Variants in KAZN observed in about 807,000 individuals in gnomAD.
KAZN encodes kazrin, periplakin interacting protein, also known as kazrin.
KAZN carries 40 observed loss-of-function variants against 87.4 expected under a neutral mutation model. The observed-to-expected ratio is 0.46, with a 90% CI of 0.36 to 0.60. KAZN has a LOEUF of 0.60. Among genes scored for constraint, KAZN ranks in the 20% least tolerant of loss-of-function variants. The probability of loss-of-function intolerance (pLI) is 0.00; values close to 1 mark genes in which losing one functional copy is unlikely to be tolerated. For missense variants in KAZN, 898 were observed against 1,073.9 expected (o/e 0.84, Z 2.29); for synonymous variants, 466 against 458.3 (o/e 1.02, Z -0.22).
chr1:14,622,613 C>T (rs1019157330), intron 1 of KAZN, among the ~76,000 whole-genome samples: 2 of 148,848 alleles, frequency 1.3e-5, no homozygotes, highest in Non-Finnish European at 3.0e-5. Context: ...ATGGCATGAA[C>T]CTGGGGGGCG....
At position 14,723,308 on chromosome 1, in the gene KAZN, A is replaced by T. The variant is rs186610074; in HGVS notation, c.226+124085A>T. Among the ~76,000 whole-genome samples, 385 of 152,180 alleles carry T rather than the reference A, an allele frequency of 2.5e-3. 2 individuals carry two copies. The highest frequency in any genetic ancestry group is 8.2e-3 in the African/African-American group (341 of 41,520). ...CCCCAGAAAGGTCTTCTTACAGCCT[A>T]ATCTGAGCCCTACCTTAACTGAAGC... On this transcript the variant is annotated intron_variant, in intron 1 of 14. Coordinates refer to ENST00000376030, the MANE Select transcript of KAZN (RefSeq NM_201628.3).
Position 14,318,432 on chromosome 1 carries a change from G to T in KAZN, c.249+137840G>T, listed in dbSNP as rs190184483. On this transcript the variant is annotated intron_variant, in intron 2 of 16. Coordinates refer to the KAZN transcript ENST00000636203. ...GGAGATTCTTGTCATTTTTATCTTTGTTCCTTTGAGTTTAATGTGTGAGTT... is the reference window on the plus strand; with the variant it reads ...GGAGATTCTTGTCATTTTTATCTTTTTTCCTTTGAGTTTAATGTGTGAGTT... Among the ~76,000 whole-genome samples, 62 of 151,798 alleles carry T rather than the reference G, an allele frequency of 4.1e-4. 1 individual carries two copies. Among genetic ancestry groups the T allele is most frequent in the Non-Finnish European group, 1.3e-4 (9 of 67,854 alleles).
intron 2 of KAZN, among the ~76,000 whole-genome samples, chr1:14,977,081 CA>C (rs1665712787): frequency 6.6e-6 from 1 of 152,058 alleles, no homozygotes; most frequent in African/African-American, 2.4e-5. Flanking sequence ...AACAAACAAA[CA>C]AAAAACTGGG....
rs191613861 is a variant in KAZN at position 14,797,146 on chromosome 1, C to T, written c.227-163538C>T. 2.5e-3 allele frequency among the ~76,000 whole-genome samples: 379 copies of T among 151,834 alleles called. 1 individual carries two copies. Among genetic ancestry groups the T allele is most frequent in the African/African-American group, 8.6e-3 (353 of 41,248 alleles). ...CATGATCTCGGCTCACTGCAGCCTC[C>T]GCCTCCTGGGTTCAAGTGATTCTCC... is the stretch of plus-strand genomic sequence containing the variant. On this transcript the variant is annotated intron_variant, in intron 1 of 14. Coordinates refer to ENST00000376030, the MANE Select transcript of KAZN (RefSeq NM_201628.3).
chr1:14,477,040 C>G (rs1177408527), intron 2 of KAZN, among the ~76,000 whole-genome samples: 1 of 152,220 alleles, frequency 6.6e-6, no homozygotes, highest in Non-Finnish European at 1.5e-5. Context: ...AAATATCTCA[C>G]CCATTGATAT....
At chr1:14,195,707 G>C (rs1646513136) in intron 2 of KAZN, among the ~76,000 whole-genome samples, 1 of 152,082 alleles carries the variant, frequency 6.6e-6, no homozygotes, top group Admixed American at 6.6e-5. Flanking sequence ...AGAAAATGTT[G>C]CATCTGAAAA....
At chr1:13,897,078 A>G (rs10927949) in intron 1 of KAZN, among the ~76,000 whole-genome samples, 82,359 of 151,424 alleles carry the variant, frequency 0.54, 22,871 homozygotes, top group South Asian at 0.68. Flanking sequence ...AAAGGTTGGC[A>G]AGCTACATCC....
rs555239150 is a variant in KAZN at position 14,421,104 on chromosome 1, T to TC, written c.250-177879_250-177878insC. On this transcript the variant is annotated intron_variant, in intron 2 of 16. Coordinates refer to the KAZN transcript ENST00000636203. ...TCTCTCAGGAATTGGTCTTAAACACTATGCCTTAGGTTATAGCTAGAGCTA... is the reference window on the plus strand; with the variant it reads ...TCTCTCAGGAATTGGTCTTAAACACTCATGCCTTAGGTTATAGCTAGAGCTA... Among the ~76,000 whole-genome samples the TC allele has an allele frequency of 3.9e-5, 6 of 152,350 alleles. No individual in the cohort carries two copies. The South Asian group carries it at 1.2e-3, about 32-fold the overall frequency.
chr1:14,926,276 A>C (rs1659159630), intron 1 of KAZN, among the ~76,000 whole-genome samples: 1 of 152,160 alleles, frequency 6.6e-6, no homozygotes, highest in African/African-American at 2.4e-5. Context: ...TTTCATGTAA[A>C]CATGTACAGG....
chr1:14,437,199 G>A (rs1381242680), intron 2 of KAZN, among the ~76,000 whole-genome samples: 1 of 152,130 alleles, frequency 6.6e-6, no homozygotes, highest in Non-Finnish European at 1.5e-5. Flanking sequence ...TTTGTGATCT[G>A]AGAACCACTC....
chr1:14,137,169 G>T (rs1321984477), intron 1 of KAZN, among the ~76,000 whole-genome samples: 1 of 152,154 alleles, frequency 6.6e-6, no homozygotes, highest in Non-Finnish European at 1.5e-5. Flanking sequence ...TCCGGGAATG[G>T]AGTCCAGCCC....
At chr1:13,986,024 A>G (rs542000897) in intron 1 of KAZN, among the ~76,000 whole-genome samples, 55 of 152,358 alleles carry the variant, frequency 3.6e-4, no homozygotes, top group African/African-American at 1.3e-3. Flanking sequence ...CTTGAAATAC[A>G]TATTTAGCAG....
chr1:14,633,442 CA>C (rs989934425), intron 1 of KAZN, among the ~76,000 whole-genome samples: 1 of 152,062 alleles, frequency 6.6e-6, no homozygotes, highest in Non-Finnish European at 1.5e-5. Context: ...GGCCTTGAGC[CA>C]AGAAATGTGT....
At chr1:14,335,745 G>A (rs1042148287) in intron 2 of KAZN, among the ~76,000 whole-genome samples, 24 of 151,170 alleles carry the variant, frequency 1.6e-4, no homozygotes, top group East Asian at 9.9e-4. Flanking sequence ...GTGCATGTGC[G>A]CGCACACACA....
intron 8 of KAZN, among the ~76,000 whole-genome samples, chr1:15,083,816 C>T (rs1313737361): frequency 6.6e-6 from 1 of 152,182 alleles, no homozygotes; most frequent in Non-Finnish European, 1.5e-5. Context: ...CATCCTGCCT[C>T]TTGCCAGTTT....
chr1:14,939,349 A>G (rs1353349158), intron 1 of KAZN, among the ~76,000 whole-genome samples: 6 of 151,872 alleles, frequency 4.0e-5, no homozygotes, highest in African/African-American at 1.5e-4. Context: ...TGCTCGCTTC[A>G]GCCTCAAACT....
At chr1:14,087,985 C>A (rs1369830663) in intron 1 of KAZN, among the ~76,000 whole-genome samples, 1 of 148,260 alleles carries the variant, frequency 6.7e-6, no homozygotes, top group Admixed American at 6.7e-5. Context: ...GGAAGTGTTC[C>A]CTCTTGCTGT....
chr1:14,370,888 T>G (rs757693525), intron 2 of KAZN, among the ~76,000 whole-genome samples: 3 of 152,120 alleles, frequency 2.0e-5, no homozygotes, highest in Non-Finnish European at 2.9e-5. Flanking sequence ...TTTTGTTGTG[T>G]TGTCCATGCT....
At chr1:14,052,537 G>GAAAAA (rs58382432) in intron 1 of KAZN, among the ~76,000 whole-genome samples, 2 of 141,762 alleles carry the variant, frequency 1.4e-5, no homozygotes, top group South Asian at 4.6e-4. Context: ...GTGTGGGGTG[G>GAAAAA]AAAAAAAAAA....
Sources: gnomAD v4.1 joint callset for allele counts (sites outside exome capture counted in the v4.1 genomes callset) on GRCh38, gnomAD v4.1.1 for gene constraint, MANE v1.5 for transcripts, NCBI Gene and HGNC (gene_info 2026-07-23, HGNC 2026-07-21) for gene names.